The following RTP5 variants were observed in gnomAD, a reference collection of about 807,000 sequenced individuals.
RTP5 encodes receptor-transporting protein 5.
In RTP5, 30 loss-of-function variants were observed where a neutral mutation model predicts 23.5. The ratio of observed to expected loss-of-function variants is 1.27; its 90% CI spans 0.95 to 1.73. The LOEUF is 1.73. RTP5 is among the 40% of genes most tolerant of loss of function. The probability of loss-of-function intolerance (pLI) is 0.00; values close to 1 mark genes in which losing one functional copy is unlikely to be tolerated. For synonymous variants in RTP5, 354 were observed against 342.1 expected (o/e 1.03, Z -0.38); for missense variants, 807 against 784.2 (o/e 1.03, Z -0.35).
chr2:241,872,244 T>C lies in RTP5; in HGVS notation c.689T>C (p.Leu230Pro). 1 of 1,604,120 alleles carries C rather than the reference T, an allele frequency of 6.2e-7. No individual in the cohort carries two copies. Among genetic ancestry groups the C allele is most frequent in the Non-Finnish European group, 8.5e-7 (1 of 1,174,670 alleles). ...CCTGCCCCCCCTGCGGGGGCCTCTC[T>C]CCCTGTGACTGGCAGCTGTGAGGCC... The part of the protein sequence containing the change: ...EGPAPPAGAS[L>P]PVTGSCEALV... Residue 230 changes from leucine (L) to proline (P), a missense_variant, in exon 2 of 2, where the codon CTC becomes CCC. Coordinates refer to ENST00000343216, the MANE Select transcript of RTP5 (RefSeq NM_173821.3).
Position 241,872,478 on chromosome 2 carries a change from C to G in RTP5, c.923C>G (p.Pro308Arg). 6.3e-7 allele frequency: 1 copy of G among 1,597,800 alleles called. No individual in the cohort carries two copies. Among genetic ancestry groups the G allele is most frequent in the Non-Finnish European group, 8.5e-7 (1 of 1,173,810 alleles). ...SPVGVAQGWG[P>R]ISLNNGLVPV... Reference sequence around the variant, plus strand: ...GTTGGCGTGGCCCAGGGCTGGGGCCCCATCTCCCTCAACAATGGCCTCGTC... The same window carrying G: ...GTTGGCGTGGCCCAGGGCTGGGGCCGCATCTCCCTCAACAATGGCCTCGTC... The change falls in exon 2 of 2, where the codon CCC (proline) becomes CGC (arginine). Residue 308 changes from proline to arginine, a missense_variant. Coordinates refer to ENST00000343216, the MANE Select transcript of RTP5 (RefSeq NM_173821.3).
intron 1 of RTP5, among the ~76,000 whole-genome samples, chr2:241,870,435 G>T (rs1701296934): frequency 6.6e-6 from 1 of 152,256 alleles, no homozygotes; most frequent in Admixed American, 6.5e-5. Flanking sequence ...TTCTCCAACT[G>T]GCAAGGCATC....
Position 241,873,071 on chromosome 2 carries a change from C to T in RTP5, c.1516C>T (p.Gln506Ter), listed in dbSNP as rs201129272. ...TGGCTGCTTCTCCCAAGGCTATTAC[C>T]AGAAGAGGCAGCTGAGGTCCAGGTT... ...GNGCFSQGYY[Q>*]KRQLRSRFHK... Residue 506 changes from glutamine (Q) to a stop codon, truncating the protein, a stop_gained, in exon 2 of 2, where the codon CAG becomes TAG. Coordinates refer to ENST00000343216, the MANE Select transcript of RTP5 (RefSeq NM_173821.3). LOFTEE classifies it high-confidence loss of function. The T allele has an allele frequency of 1.9e-6, 3 of 1,612,912 alleles. No individual in the cohort carries two copies. The highest frequency in any genetic ancestry group is 1.1e-5 in the South Asian group (1 of 91,050).
intron 1 of RTP5, among the ~76,000 whole-genome samples, chr2:241,870,242 C>T (rs1310612048): frequency 6.6e-6 from 1 of 152,232 alleles, no homozygotes; most frequent in Non-Finnish European, 1.5e-5. Flanking sequence ...TCGCAGCCAT[C>T]AGTGCTGACA....
In RTP5 at chr2:241,872,458, C is replaced by T. The variant is rs185790384; in HGVS notation, c.903C>T (p.Gly301=). ...GGGGCTCCCTCTGCAGCCCGGTTGG[C>T]GTGGCCCAGGGCTGGGGCCCCATCT... ...KGRGSLCSPV[G]VAQGWGPISL... is the part of the protein sequence containing the mutation. Residue 301 remains glycine (G), a synonymous_variant, in exon 2 of 2, where the codon GGC becomes GGT. Transcript: ENST00000343216. The T allele has an allele frequency of 1.4e-5, 23 of 1,602,482 alleles. No individual in the cohort carries two copies. The highest frequency in any genetic ancestry group is 2.7e-5 in the African/African-American group (2 of 74,518).
At position 241,872,341 on chromosome 2, in the gene RTP5, G is replaced by T. The variant is rs756158746; in HGVS notation, c.786G>T (p.Pro262=). The T allele has an allele frequency of 6.2e-7, 1 of 1,610,396 alleles. No individual in the cohort carries two copies. The highest frequency in any genetic ancestry group is 8.5e-7 in the Non-Finnish European group (1 of 1,178,866). The stretch of plus-strand genomic sequence containing the variant: ...CCATGCCTGGGGGCAAAGGCTTCCC[G>T]GTGGCCATTGGAGACCCCCTCTTCC... ...SVAMPGGKGF[P]VAIGDPLFHG... is the part of the protein sequence containing the mutation. The change falls in exon 2 of 2, where the codon CCG becomes CCT. Residue 262 remains proline (P), a synonymous_variant. Coordinates refer to ENST00000343216, the MANE Select transcript of RTP5 (RefSeq NM_173821.3).
Position 241,871,819 on chromosome 2 carries a change from C to A in RTP5, c.264C>A (p.Arg88=). The A allele has an allele frequency of 6.4e-7, 1 of 1,563,454 alleles. No homozygotes were observed. Among genetic ancestry groups the A allele is most frequent in the Non-Finnish European group, 8.7e-7 (1 of 1,155,120 alleles). ...GCCACCGGGGGCTGGTGAAGATGCGCATCTGGGGCCAGCGGTGCAGGCTGT... is the reference window on the plus strand; with the variant it reads ...GCCACCGGGGGCTGGTGAAGATGCGAATCTGGGGCCAGCGGTGCAGGCTGT... ...RASHRGLVKM[R]IWGQRCRLCP... Residue 88 remains arginine, a synonymous_variant, in exon 2 of 2, where the codon CGC becomes CGA. Coordinates refer to ENST00000343216, the MANE Select transcript of RTP5 (RefSeq NM_173821.3).
Position 241,872,040 on chromosome 2 carries a change from G to A in RTP5, c.485G>A (p.Trp162Ter), listed in dbSNP as rs1188001248. 2 of 1,565,394 alleles carry A rather than the reference G, an allele frequency of 1.3e-6. No individual in the cohort carries two copies. The highest frequency in any genetic ancestry group is 1.7e-6 in the Non-Finnish European group (2 of 1,150,498). ...CFLQKAPDPA[W>*]SANATKGNFP... is the part of the protein sequence containing the mutation. ...CTCCAGAAGGCCCCAGACCCCGCCT[G>A]GAGCGCCAACGCCACAAAAGGCAAC... Residue 162 changes from tryptophan (W) to a stop codon, truncating the protein, a stop_gained, in exon 2 of 2, where the codon TGG (tryptophan) becomes TAG (stop). Transcript: ENST00000343216. LOFTEE classifies it high-confidence loss of function.
At position 241,871,693 on chromosome 2, in the gene RTP5, A is replaced by G. The variant is rs374578004; in HGVS notation, c.159-21A>G. The G allele has an allele frequency of 1.8e-5, 29 of 1,575,306 alleles. No homozygotes were observed. The African/African-American group carries it at 3.0e-4, about 16-fold the overall frequency. On this transcript the variant is annotated intron_variant, in intron 1 of 1. Transcript: ENST00000343216. The stretch of plus-strand genomic sequence containing the variant: ...GGGCCTCTTTCTCCTGCACTCACAC[A>G]CACTTCTTTCCCCGCCGCAGGCTCC...
In RTP5 at chr2:241,873,485, CCCCA is replaced by C. The variant is rs1329760032; in HGVS notation, c.*212_*215del. The C allele has an allele frequency of 2.7e-5, 13 of 481,530 alleles. No homozygotes were observed. Among genetic ancestry groups the C allele is most frequent in the Non-Finnish European group, 4.2e-5 (12 of 287,130 alleles). The allele number at this position is 481,530 out of a possible 1,614,324, so 29.8% of individuals were successfully genotyped here. ...GACCCCGCCTCACCTCTGAGACACC[CCCCA>C]ACCCCACCTTTGAGATGCCCGCCCC... is the stretch of plus-strand genomic sequence containing the variant. On this transcript the variant is annotated 3_prime_UTR_variant, in exon 2 of 2. Transcript: ENST00000343216.
At position 241,872,414 on chromosome 2, in the gene RTP5, G is replaced by A. The variant is rs747951931; in HGVS notation, c.859G>A (p.Gly287Ser). The change falls in exon 2 of 2, where the codon GGC becomes AGC. Residue 287 changes from glycine to serine, a missense_variant. Transcript: ENST00000343216. ...GSSIQTFELKGFLFKGRGSLC... is the reference protein window; with the variant it reads ...GSSIQTFELKSFLFKGRGSLC... ...CAGCATCCAGACCTTCGAGCTCAAG[G>A]GCTTCCTCTTCAAAGGCCGGGGCTC... The A allele has an allele frequency of 3.1e-6, 5 of 1,611,934 alleles. No individual in the cohort carries two copies. In the African/African-American group the frequency reaches 5.3e-5, roughly 17 times the overall value.
chr2:241,870,948 C>A (rs1701305543), intron 1 of RTP5: 1 of 470,992 alleles, frequency 2.1e-6, no homozygotes, highest in African/African-American at 2.0e-5. Context: ...CATCCAGAAA[C>A]TTCCACTGCC....
intron 1 of RTP5, chr2:241,870,865 A>G (rs1331573503): frequency 2.2e-6 from 1 of 458,710 alleles, no homozygotes; most frequent in Non-Finnish European, 4.5e-6. Flanking sequence ...TCCAGCACGA[A>G]CGTGTCCACG....
intron 1 of RTP5, among the ~76,000 whole-genome samples, 155 bp downstream of exon 1, chr2:241,870,069 G>A (rs1272667036): frequency 1.3e-5 from 2 of 152,222 alleles, no homozygotes; most frequent in Non-Finnish European, 2.9e-5. Flanking sequence ...TCCCGCCGGA[G>A]CCCCTGCCTC....
intron 1 of RTP5, 33 bp downstream of exon 1, chr2:241,869,947 C>T (rs1701284940): frequency 1.4e-6 from 2 of 1,451,442 alleles, no homozygotes; most frequent in South Asian, 2.9e-5. Context: ...CTGGGAGAGG[C>T]AGGGGGCTGA....
intron 1 of RTP5, among the ~76,000 whole-genome samples, chr2:241,870,252 A>G (rs1243010000): frequency 6.6e-6 from 1 of 152,190 alleles, no homozygotes; most frequent in Non-Finnish European, 1.5e-5. Flanking sequence ...CAGTGCTGAC[A>G]GGTGGGCCCT....
chr2:241,873,329 AC>A lies in RTP5; in HGVS notation c.*61del, dbSNP rs1191533364. Reference sequence around the variant, plus strand: ...TGGGACCCCGCCTCGCCTCTGAGACACCCCCCAACCCCGCCTTTGAGATGCC... The same window carrying A: ...TGGGACCCCGCCTCGCCTCTGAGACACCCCCAACCCCGCCTTTGAGATGCC... On this transcript the variant is annotated 3_prime_UTR_variant, in exon 2 of 2. Transcript: ENST00000343216. 5.4e-5 allele frequency: 77 copies of A among 1,420,548 alleles called. No individual in the cohort carries two copies. Among genetic ancestry groups the A allele is most frequent in the Non-Finnish European group, 6.9e-5 (75 of 1,090,884 alleles). The allele number at this position is 1,420,548 out of a possible 1,614,324, so 88.0% of individuals were successfully genotyped here.
At position 241,873,005 on chromosome 2, in the gene RTP5, C is replaced by T. The variant is rs77317868; in HGVS notation, c.1450C>T (p.Arg484Cys). The change falls in exon 2 of 2, where the codon CGC (arginine) becomes TGC (cysteine). Residue 484 changes from arginine to cysteine, a missense_variant. Transcript: ENST00000343216. ...IPFAVFDVIKRKGGGHVAYGP... is the reference protein window; with the variant it reads ...IPFAVFDVIKCKGGGHVAYGP... ...CTTCGCAGTCTTCGATGTCATAAAG[C>T]GCAAGGGCGGTGGCCACGTTGCCTA... 9,501 of 1,613,100 alleles carry T rather than the reference C, an allele frequency of 5.9e-3. 473 individuals are homozygous for T. In the African/African-American group the frequency reaches 0.11, roughly 19 times the overall value.
Position 241,872,929 on chromosome 2 carries a change from G to A in RTP5, c.1374G>A (p.Glu458=). ...CCGCGGGTCACGACGCCCCTCTGGAGGCCAATGCCGAGGGCCCCATCACGG... is the reference window on the plus strand; with the variant it reads ...CCGCGGGTCACGACGCCCCTCTGGAAGCCAATGCCGAGGGCCCCATCACGG... ...LVTAGHDAPL[E]ANAEGPITVS... Residue 458 remains glutamate (E), a synonymous_variant, in exon 2 of 2, where the codon GAG becomes GAA. Transcript: ENST00000343216. The A allele has an allele frequency of 1.9e-6, 3 of 1,613,028 alleles. No homozygotes were observed. Among genetic ancestry groups the A allele is most frequent in the Non-Finnish European group, 2.5e-6 (3 of 1,179,990 alleles).
Sources: allele counts gnomAD v4.1 joint callset (sites outside exome capture counted in the v4.1 genomes callset), GRCh38; gene constraint gnomAD v4.1.1; transcripts MANE v1.5; gene names NCBI Gene and HGNC (gene_info 2026-07-23, HGNC 2026-07-21).